PCDH1: variants seen among roughly 807,000 people sequenced by gnomAD.
The protein encoded by PCDH1 is protocadherin 1.
In PCDH1, 23 loss-of-function variants were observed where a neutral mutation model predicts 74.6. The observed-to-expected ratio is 0.31, with a 90% CI of 0.22 to 0.44. PCDH1 has a LOEUF of 0.44. PCDH1 is among the 20% of genes least tolerant of loss of function. The pLI, the probability that PCDH1 is intolerant of heterozygous loss-of-function variation, is 1.00. For synonymous variants in PCDH1, 647 were observed against 686.1 expected, an observed-to-expected ratio of 0.94 and a Z score of 0.89; for missense variants, 1,214 against 1,641.4, an observed-to-expected ratio of 0.74 and a Z score of 4.50.
In PCDH1 at chr5:141,853,806, G is replaced by A; in HGVS notation, c.*236C>T. The A allele has an allele frequency of 2.5e-6, 1 of 403,636 alleles. No homozygotes were observed. The highest frequency in any genetic ancestry group is 1.1e-4 in the South Asian group (1 of 9,074). 25.0% of individuals were successfully genotyped at this position (403,636 alleles called of 1,614,324 possible). A position where few individuals can be genotyped will look rare whatever the true frequency, so the allele number is the denominator to read the frequency against. On this transcript the variant is annotated 3_prime_UTR_variant, in exon 5 of 5. Transcript: ENST00000287008. The stretch of plus-strand genomic sequence containing the variant: ...AGAGGAGCCCTCTTGGGCATCAGAT[G>A]GGGGAAGCCCCATAAAGGGGAAGGG...
At chr5:141,856,289 G>A (rs868746195) in intron 4 of PCDH1, 40 of 1,535,312 alleles carry the variant, frequency 2.6e-5, no homozygotes, top group African/African-American at 2.6e-4. Context: ...AGGATGAGAC[G>A]GGCATGAGAT....
In PCDH1 at chr5:141,863,593, C is replaced by T. The variant is rs774597170; in HGVS notation, c.2738G>A (p.Gly913Asp). Residue 913 changes from glycine (G) to aspartate (D), a missense_variant, in exon 3 of 5, where the codon GGC becomes GAC. Physicochemically the swap from Gly to Asp is moderately conservative, Grantham distance 94. This residue lies in a region of PCDH1 where 836 missense variants were observed against 1,182.2 expected (regional missense o/e 0.71). Transcript: ENST00000287008. This position sits in a 1 kb window ranked among gnomAD's most constrained non-coding sequence, Gnocchi z 7.5. ...GGGCTTTGGGGACTTGCTCTTCTTG[C>T]CTTTGCTTTTGTTTCCCTTGGAGGC... The part of the protein sequence containing the change: ...GKASKGNKSK[G>D]KKSKSPKPVK... 6.2e-7 allele frequency: 1 copy of T among 1,614,178 alleles called. No homozygotes were observed. The highest frequency in any genetic ancestry group is 8.5e-7 in the Non-Finnish European group (1 of 1,180,022).
intron 1 of PCDH1, among the ~76,000 whole-genome samples, chr5:141,871,499 G>A (rs1753095632): frequency 6.6e-6 from 1 of 152,208 alleles, no homozygotes; most frequent in Non-Finnish European, 1.5e-5. Flanking sequence ...TGCATGACCT[G>A]AAGCAAAGAT....
chr5:141,856,281 G>A, intron 4 of PCDH1: 1 of 1,500,226 alleles, frequency 6.7e-7, no homozygotes, highest in Non-Finnish European at 8.9e-7. Flanking sequence ...GCACAAAAAG[G>A]ATGAGACGGG....
chr5:141,869,473 GA>G lies in PCDH1; in HGVS notation c.41-43del. The G allele has an allele frequency of 1.3e-6, 2 of 1,586,882 alleles. No homozygotes were observed. Among genetic ancestry groups the G allele is most frequent in the South Asian group, 1.1e-5 (1 of 88,170 alleles). On this transcript the variant is annotated intron_variant, in intron 1 of 4. Transcript: ENST00000287008. This position sits in a 1 kb window ranked among gnomAD's most constrained non-coding sequence, Gnocchi z 4.9. ...CAAAACAGAGGCCATGAGCTGGGAA[GA>G]AAAGCCTGGCCCTGAGCTGCCCAGA...
At chr5:141,856,509 G>T (rs990858710) in intron 4 of PCDH1, among the ~76,000 whole-genome samples, 14 of 152,014 alleles carry the variant, frequency 9.2e-5, no homozygotes, top group African/African-American at 3.4e-4. Flanking sequence ...CCATCTCAGG[G>T]GTTAGCTCGT....
rs762699318 is a variant in PCDH1, at chr5:141,854,209, C to G, written c.3547G>C (p.Ala1183Pro). The G allele has an allele frequency of 6.2e-7, 1 of 1,610,172 alleles. No individual in the cohort carries two copies. The highest frequency in any genetic ancestry group is 8.5e-7 in the Non-Finnish European group (1 of 1,177,604). The change falls in exon 5 of 5, where the codon GCC (alanine) becomes CCC (proline). Residue 1183 changes from alanine (A) to proline (P), a missense_variant. Ala to Pro is a conservative substitution (Grantham distance 27, BLOSUM62 -1). Transcript: ENST00000287008. ...TAGGAGGGCAGGAGGCGCACGGGGG[C>G]CGTTTTGGTGTTCCGGTCTTCCGGG... The part of the protein sequence containing the change: ...SPPEDRNTKT[A>P]PVRLLPSYSA...
intron 4 of PCDH1, chr5:141,856,197 CCA>C: frequency 1.3e-6 from 2 of 1,534,550 alleles, no homozygotes; most frequent in South Asian, 1.2e-5. Context: ...CCCACAGACC[CCA>C]GACCCCAGAG....
intron 3 of PCDH1, chr5:141,862,707 GA>G (rs1752613231): frequency 2.5e-5 from 25 of 992,154 alleles, no homozygotes; most frequent in Non-Finnish European, 2.9e-5. Context: ...CCCAGCCCCA[GA>G]AGCCTAGTGG....
At position 141,868,250 on chromosome 5, in the gene PCDH1, G is replaced by A. The variant is rs1561486064; in HGVS notation, c.903+319C>T. Among the ~76,000 whole-genome samples, 1 of 152,210 alleles carries A rather than the reference G, an allele frequency of 6.6e-6. No individual in the cohort carries two copies. The highest frequency in any genetic ancestry group is 2.1e-4 in the South Asian group (1 of 4,838). On this transcript the variant is annotated intron_variant, in intron 2 of 4. Coordinates refer to ENST00000287008, the MANE Select transcript of PCDH1 (RefSeq NM_032420.5). The surrounding 1 kb of genome is among the most constrained non-coding windows in gnomAD (Gnocchi z 4.8). Reference sequence around the variant, plus strand: ...TCCTTTGTTCCAACTCAGCTCACCTGGCTAGCAGAGAAGGATCTACTTGAC... The same window carrying A: ...TCCTTTGTTCCAACTCAGCTCACCTAGCTAGCAGAGAAGGATCTACTTGAC...
At position 141,869,315 on chromosome 5, in the gene PCDH1, A is replaced by G; in HGVS notation, c.157T>C (p.Ser53Pro). The change falls in exon 2 of 5, where the codon TCC becomes CCC. Residue 53 changes from serine to proline, a missense_variant. Coordinates refer to ENST00000287008, the MANE Select transcript of PCDH1 (RefSeq NM_032420.5). This position sits in a 1 kb window ranked among gnomAD's most constrained non-coding sequence, Gnocchi z 4.9. ...LLALLLLLAPSPGHATRVVYK... is the reference protein window; with the variant it reads ...LLALLLLLAPPPGHATRVVYK... Reference sequence around the variant, plus strand: ...ACTACCCGAGTGGCGTGGCCTGGGGATGGAGCCAGCAGGAGCAGCAGTGCT... The same window carrying G: ...ACTACCCGAGTGGCGTGGCCTGGGGGTGGAGCCAGCAGGAGCAGCAGTGCT... 6.2e-7 allele frequency: 1 copy of G among 1,600,792 alleles called. No homozygotes were observed. The highest frequency in any genetic ancestry group is 8.5e-7 in the Non-Finnish European group (1 of 1,174,350).
chr5:141,870,413 G>C (rs112017118), intron 1 of PCDH1, among the ~76,000 whole-genome samples: 1,547 of 152,264 alleles, frequency 0.01, 25 homozygotes, highest in African/African-American at 0.033. Context: ...GGTCAGGGCT[G>C]ACTAGCCCTG....
rs763781259 is a variant in PCDH1 at position 141,857,262 on chromosome 5, G to T, written c.3309C>A (p.His1103Gln). Residue 1103 changes from histidine to glutamine, a missense_variant, in exon 4 of 5, where the codon CAC (histidine) becomes CAA (glutamine). Around this residue, in one of 4 missense-constraint regions of PCDH1, gnomAD observed 194 missense variants for 198.3 expected, o/e 0.98. Coordinates refer to ENST00000287008, the MANE Select transcript of PCDH1 (RefSeq NM_032420.5). The stretch of plus-strand genomic sequence containing the variant: ...GGTGCTGCGCCTCACCATTCTCGGG[G>T]TGCTCCATCTCTCCTATGCTGCCAT... ...TPDGSIGEME[H>Q]PENDLRPLPD... The T allele has an allele frequency of 2.5e-6, 4 of 1,580,190 alleles. No homozygotes were observed. The East Asian group carries it at 6.7e-5, about 27-fold the overall frequency.
At chr5:141,866,345 G>C (rs942089112) in intron 2 of PCDH1, 2 of 537,344 alleles carry the variant, frequency 3.7e-6, no homozygotes, top group Non-Finnish European at 2.4e-6. Flanking sequence ...ACAATGAACT[G>C]TCTGTCCCTC....
At chr5:141,855,896 T>A (rs1016040786) in intron 4 of PCDH1, among the ~76,000 whole-genome samples, 3 of 151,886 alleles carry the variant, frequency 2.0e-5, no homozygotes, top group Admixed American at 6.6e-5. Context: ...GGGCCATGAG[T>A]ACTTCCTGTC....
chr5:141,869,630 C>T lies in PCDH1; in HGVS notation c.41-199G>A, dbSNP rs1342140895. 5 of 1,534,068 alleles carry T rather than the reference C, an allele frequency of 3.3e-6. No individual in the cohort carries two copies. Among genetic ancestry groups the T allele is most frequent in the Non-Finnish European group, 4.4e-6 (5 of 1,146,412 alleles). On this transcript the variant is annotated intron_variant, in intron 1 of 4. Transcript: ENST00000287008. This position sits in a 1 kb window ranked among gnomAD's most constrained non-coding sequence, Gnocchi z 4.9. ...CCACAGCTGGGTGTAGCAGCAGTGT[C>T]TGCCCCAGCTGGAGGAGCCAGTAAG... is the stretch of plus-strand genomic sequence containing the variant.
chr5:141,868,851 C>A lies in PCDH1; in HGVS notation c.621G>T (p.Leu207=). ...GCTCCTGGGCCTCAGGCCCAGCCTG[C>A]AGCTCATAGGATGCCACACCGTTGG... The part of the protein sequence containing the change: ...AGPNGVASYE[L]QAGPEAQELF... The change falls in exon 2 of 5, where the codon CTG becomes CTT. Residue 207 remains leucine (L), a synonymous_variant. Transcript: ENST00000287008. The surrounding 1 kb of genome is among the most constrained non-coding windows in gnomAD (Gnocchi z 4.8). 1 of 1,614,238 alleles carries A rather than the reference C, an allele frequency of 6.2e-7. No individual in the cohort carries two copies. Among genetic ancestry groups the A allele is most frequent in the Non-Finnish European group, 8.5e-7 (1 of 1,180,042 alleles).
At chr5:141,860,054 T>TG (rs1752505572) in intron 3 of PCDH1, among the ~76,000 whole-genome samples, 1 of 152,130 alleles carries the variant, frequency 6.6e-6, no homozygotes. Flanking sequence ...GGTGACCCTG[T>TG]GAGGAGGCAG....
chr5:141,877,590 G>C (rs766460290), intron 1 of PCDH1, among the ~76,000 whole-genome samples: 2 of 152,170 alleles, frequency 1.3e-5, no homozygotes, highest in African/African-American at 4.8e-5. Context: ...TTATTGCTCT[G>C]TAAAGCCACG....
Sources: allele counts gnomAD v4.1 joint callset (sites outside exome capture counted in the v4.1 genomes callset), GRCh38; gene constraint gnomAD v4.1.1; regional missense constraint gnomAD v4.1.1; non-coding constraint Gnocchi (gnomAD v3.1); transcripts MANE v1.5; gene names NCBI Gene and HGNC (gene_info 2026-07-23, HGNC 2026-07-21).